Variants in EIPR1 observed in about 807,000 individuals in gnomAD.
EIPR1 encodes the protein EARP complex and GARP complex interacting protein 1.
In EIPR1, 25 loss-of-function variants were observed where a neutral mutation model predicts 48.1. The ratio of observed to expected loss-of-function variants is 0.52; its 90% CI spans 0.38 to 0.73. The LOEUF is 0.73. Ranked by LOEUF, EIPR1 falls within the 30% of genes least tolerant of loss-of-function variation. The probability of loss-of-function intolerance (pLI) is 0.00; values close to 1 mark genes in which losing one functional copy is unlikely to be tolerated. For synonymous variants in EIPR1, 204 were observed against 201.9 expected (o/e 1.01, Z -0.09); for missense variants, 415 against 506.2 (o/e 0.82, Z 1.73).
chr2:3,259,225 T>C (rs1435153519), intron 3 of EIPR1, among the ~76,000 whole-genome samples: 2 of 152,140 alleles, frequency 1.3e-5, no homozygotes, highest in Non-Finnish European at 1.5e-5. Flanking sequence ...ATACACAAGA[T>C]GACAAAGGCA....
intron 3 of EIPR1, among the ~76,000 whole-genome samples, chr2:3,320,714 T>C (rs1345828748): frequency 6.6e-6 from 1 of 152,184 alleles, no homozygotes; most frequent in Non-Finnish European, 1.5e-5. Flanking sequence ...CTCACCAAAG[T>C]GACCCCAGTG....
At chr2:3,235,417 G>T (rs906619102) in intron 4 of EIPR1, among the ~76,000 whole-genome samples, 11 of 142,646 alleles carry the variant, frequency 7.7e-5, no homozygotes, top group African/African-American at 2.8e-4. Flanking sequence ...TGTGCATGCG[G>T]GTGCGCACAC....
At chr2:3,217,561 A>T (rs888183542) in intron 4 of EIPR1, among the ~76,000 whole-genome samples, 4 of 152,198 alleles carry the variant, frequency 2.6e-5, no homozygotes, top group African/African-American at 9.7e-5. Context: ...TTTAATCCAA[A>T]TTTTTTAAAA....
chr2:3,341,118 AAAC>A (rs1439195209), intron 2 of EIPR1, among the ~76,000 whole-genome samples: 1,231 of 113,740 alleles, frequency 0.011, 58 homozygotes, highest in Non-Finnish European at 0.017. Flanking sequence ...AAAAAAAAAA[AAAC>A]AAAACAAAAC....
At chr2:3,365,278 T>C (rs4854183) in intron 1 of EIPR1, among the ~76,000 whole-genome samples, 9 of 151,896 alleles carry the variant, frequency 5.9e-5, no homozygotes, top group South Asian at 2.1e-4. Context: ...ATCTCATTGA[T>C]TGATTAAGTG....
intron 3 of EIPR1, among the ~76,000 whole-genome samples, chr2:3,303,963 C>T (rs1668837194): frequency 6.6e-6 from 1 of 152,244 alleles, no homozygotes; most frequent in Non-Finnish European, 1.5e-5. Context: ...TCATAAAACC[C>T]TATCACTCAA....
chr2:3,335,619 A>G (rs1670019219), intron 3 of EIPR1, among the ~76,000 whole-genome samples: 1 of 152,134 alleles, frequency 6.6e-6, no homozygotes, highest in Admixed American at 6.5e-5. Flanking sequence ...CTGTGTCCCC[A>G]CCCAAATCTC....
intron 4 of EIPR1, among the ~76,000 whole-genome samples, chr2:3,215,485 A>G (rs1665600707): frequency 6.6e-6 from 1 of 152,204 alleles, no homozygotes; most frequent in South Asian, 2.1e-4. Flanking sequence ...AAATGATACA[A>G]TGCTATTCAG....
At chr2:3,236,758 T>G (rs1053405408) in intron 4 of EIPR1, among the ~76,000 whole-genome samples, 2 of 152,182 alleles carry the variant, frequency 1.3e-5, no homozygotes, top group South Asian at 4.2e-4. Context: ...ACAGATGAGG[T>G]AACAAACACA....
intron 3 of EIPR1, among the ~76,000 whole-genome samples, chr2:3,335,335 G>T (rs184129136): frequency 6.6e-6 from 1 of 152,312 alleles, no homozygotes; most frequent in East Asian, 1.9e-4. Context: ...GCAGTGGGTA[G>T]AGGCTGGGAG....
intron 4 of EIPR1, among the ~76,000 whole-genome samples, chr2:3,229,776 C>G (rs564049671): frequency 6.6e-6 from 1 of 152,216 alleles, no homozygotes. Context: ...CTGTTCATTA[C>G]TTTCAGCACA....
At chr2:3,246,812 G>A (rs1369070298) in intron 4 of EIPR1, among the ~76,000 whole-genome samples, 5 of 62,340 alleles carry the variant, frequency 8.0e-5, no homozygotes, top group African/African-American at 2.1e-4. Flanking sequence ...AGGCAGGGAG[G>A]GAGGGAGGGA....
intron 5 of EIPR1, among the ~76,000 whole-genome samples, chr2:3,200,220 T>C (rs996282389): frequency 6.6e-6 from 1 of 152,118 alleles, no homozygotes; most frequent in Non-Finnish European, 1.5e-5. Flanking sequence ...TGGCTGCCGA[T>C]GGGCTCCTTC....
chr2:3,320,708 C>G (rs565563660), intron 3 of EIPR1, among the ~76,000 whole-genome samples: 12 of 152,292 alleles, frequency 7.9e-5, no homozygotes, highest in African/African-American at 2.9e-4. Context: ...CTCTCTCTCA[C>G]CAAAGTGACC....
chr2:3,374,399 A>G (rs1258800223), intron 1 of EIPR1, among the ~76,000 whole-genome samples: 1 of 151,846 alleles, frequency 6.6e-6, no homozygotes, highest in Non-Finnish European at 1.5e-5. Flanking sequence ...TAAACTAAAG[A>G]GCTTCTGTAC....
chr2:3,257,510 C>T, intron 3 of EIPR1, 55 bp from the exon 4 acceptor site: 2 of 1,589,644 alleles, frequency 1.3e-6, no homozygotes, highest in Non-Finnish European at 1.7e-6. Context: ...GCCCCGCATT[C>T]TGCAGACAGC....
chr2:3,377,275 T>G (rs1659919430), intron 1 of EIPR1: 1 of 236,800 alleles, frequency 4.2e-6, no homozygotes, highest in African/African-American at 2.2e-5. Context: ...ATACTTTAAA[T>G]TGTTTCAAAA....
At chr2:3,300,569 T>G (rs767145130) in intron 3 of EIPR1, among the ~76,000 whole-genome samples, 2 of 152,202 alleles carry the variant, frequency 1.3e-5, no homozygotes, top group Non-Finnish European at 2.9e-5. Flanking sequence ...TGTCCGTTTC[T>G]CAAGGCTGTA....
intron 3 of EIPR1, among the ~76,000 whole-genome samples, chr2:3,317,417 G>T (rs542120443): frequency 6.6e-6 from 1 of 151,848 alleles, no homozygotes; most frequent in Non-Finnish European, 1.5e-5. Flanking sequence ...CGCACGCAGG[G>T]TGGAGCACGG....
Sources: allele counts gnomAD v4.1 joint callset (sites outside exome capture counted in the v4.1 genomes callset), GRCh38; gene constraint gnomAD v4.1.1; transcripts MANE v1.5; gene names NCBI Gene and HGNC (gene_info 2026-07-23, HGNC 2026-07-21).